DUSP16: variants seen among roughly 807,000 people sequenced by gnomAD.
DUSP16 encodes dual specificity protein phosphatase 16.
Under a neutral mutation model 58.3 loss-of-function variants are expected in DUSP16, and 21 were observed. That is an observed-to-expected ratio of 0.36 (90% CI 0.26 to 0.52). The LOEUF is 0.52. DUSP16 is among the 20% of genes least tolerant of loss of function. The probability of loss-of-function intolerance (pLI) is 0.94; values close to 1 mark genes in which losing one functional copy is unlikely to be tolerated. For synonymous variants in DUSP16, 320 were observed against 323.8 expected (o/e 0.99, Z 0.12); for missense variants, 726 against 819.0 (o/e 0.89, Z 1.39).
chr12:12,496,509 G>A (rs368739379), intron 4 of DUSP16, among the ~76,000 whole-genome samples: 2 of 152,188 alleles, frequency 1.3e-5, no homozygotes, highest in African/African-American at 4.8e-5. Flanking sequence ...TATTTAAATG[G>A]AGAAGGAGCA....
At position 12,478,087 on chromosome 12, in the gene DUSP16, A is replaced by C; in HGVS notation, c.816-72T>G. 4.7e-6 allele frequency: 6 copies of C among 1,279,700 alleles called. No homozygotes were observed. In the South Asian group the frequency reaches 8.8e-5, roughly 19 times the overall value. 79.3% of individuals were successfully genotyped at this position (1,279,700 alleles called of 1,614,324 possible). On this transcript the variant is annotated intron_variant, in intron 6 of 6. Coordinates refer to ENST00000298573, the MANE Select transcript of DUSP16 (RefSeq NM_030640.3). ...TTATCTTAAGAATATTAAGTGAATA[A>C]ATGAGATAGGGAATTATCAGGCAGA... is the stretch of plus-strand genomic sequence containing the variant.
chr12:12,478,673 GACAC>G (rs1236802141), intron 6 of DUSP16, among the ~76,000 whole-genome samples: 1 of 151,886 alleles, frequency 6.6e-6, no homozygotes, highest in Non-Finnish European at 1.5e-5. Flanking sequence ...GGACACCCCT[GACAC>G]ACACACACCA....
chr12:12,500,027 G>A (rs945782158), intron 4 of DUSP16, among the ~76,000 whole-genome samples: 2 of 152,014 alleles, frequency 1.3e-5, no homozygotes, highest in Non-Finnish European at 2.9e-5. Context: ...GAGGCTGGCA[G>A]TGCATAGTTT....
intron 5 of DUSP16, among the ~76,000 whole-genome samples, chr12:12,484,914 T>G (rs777367491): frequency 6.6e-6 from 1 of 151,912 alleles, no homozygotes; most frequent in Non-Finnish European, 1.5e-5. Flanking sequence ...GCCCAGCCAA[T>G]TGTTATTTTT....
rs373253988 is a variant in DUSP16 at position 12,521,082 on chromosome 12, A to G, written c.17T>C (p.Ile6Thr). The G allele has an allele frequency of 3.1e-6, 5 of 1,613,976 alleles. No individual in the cohort carries two copies. In the African/African-American group the frequency reaches 4.0e-5, roughly 13 times the overall value. Reference sequence around the variant, plus strand: ...CCTCTCAGTAACAATTTGAGTTCCAATCATCTCATGGGCCATGACAACAAT... The same window carrying G: ...CCTCTCAGTAACAATTTGAGTTCCAGTCATCTCATGGGCCATGACAACAAT... MAHEM[I>T]GTQIVTERLV... Residue 6 changes from isoleucine to threonine, a missense_variant, in exon 2 of 7, where the codon ATT (isoleucine) becomes ACT (threonine). By Grantham distance (89) the Ile-to-Thr change is moderately conservative. Coordinates refer to ENST00000298573, the MANE Select transcript of DUSP16 (RefSeq NM_030640.3).
chr12:12,477,846 C>G lies in DUSP16; in HGVS notation c.985G>C (p.Gly329Arg). 6.2e-7 allele frequency: 1 copy of G among 1,614,058 alleles called. No homozygotes were observed. The highest frequency in any genetic ancestry group is 8.5e-7 in the Non-Finnish European group (1 of 1,180,032). Residue 329 changes from glycine (G) to arginine (R), a missense_variant, in exon 7 of 7, where the codon GGT becomes CGT. Coordinates refer to ENST00000298573, the MANE Select transcript of DUSP16 (RefSeq NM_030640.3). The surrounding 1 kb of genome is among the most constrained non-coding windows in gnomAD (Gnocchi z 4.1). ...PNEPVPAVSE[G>R]GQKSETPLSP... Reference sequence around the variant, plus strand: ...AGGGGCGTCTCGCTTTTCTGTCCACCCTCTGAGACAGCAGGGACAGGTTCA... The same window carrying G: ...AGGGGCGTCTCGCTTTTCTGTCCACGCTCTGAGACAGCAGGGACAGGTTCA...
rs77501164 is a variant in DUSP16, at chr12:12,548,121, T to C, written c.-366+13996A>G. Among the ~76,000 whole-genome samples the C allele has an allele frequency of 8.4e-3, 1,279 of 152,304 alleles. 23 individuals carry two copies. The highest frequency in any genetic ancestry group is 0.029 in the African/African-American group (1,191 of 41,552). ...TCACATCTAATCTGTGAGTTCTAAG[T>C]AGCTGATTCACATTAAAGAAAAAGG... On this transcript the variant is annotated intron_variant, in intron 1 of 6. Coordinates refer to ENST00000298573, the MANE Select transcript of DUSP16 (RefSeq NM_030640.3).
At chr12:12,513,289 G>A (rs1209235137) in intron 3 of DUSP16, among the ~76,000 whole-genome samples, 1 of 152,168 alleles carries the variant, frequency 6.6e-6, no homozygotes, top group East Asian at 1.9e-4. Flanking sequence ...GGCTAACATA[G>A]TTTAATGCTT....
At chr12:12,522,424 A>C (rs547278686) in intron 1 of DUSP16, among the ~76,000 whole-genome samples, 1 of 152,266 alleles carries the variant, frequency 6.6e-6, no homozygotes, top group East Asian at 1.9e-4. Context: ...CACTAGTTGA[A>C]GTTTTGCGCT....
At chr12:12,534,140 T>C (rs112606541) in intron 1 of DUSP16, among the ~76,000 whole-genome samples, 2,506 of 152,314 alleles carry the variant, frequency 0.016, 76 homozygotes, top group African/African-American at 0.057. Context: ...GGAGACCCCT[T>C]TGGGGATTTT....
chr12:12,508,072 G>A (rs1944024867), intron 3 of DUSP16, among the ~76,000 whole-genome samples: 1 of 152,128 alleles, frequency 6.6e-6, no homozygotes, highest in Non-Finnish European at 1.5e-5. Flanking sequence ...TCTCCATACT[G>A]GAAAGAAAAT....
intron 1 of DUSP16, among the ~76,000 whole-genome samples, chr12:12,526,867 T>A (rs1413702971): frequency 1.3e-5 from 2 of 150,926 alleles, no homozygotes; most frequent in African/African-American, 4.9e-5. Context: ...TTTCATCTGC[T>A]ACTGCTACTG....
Position 12,532,369 on chromosome 12 carries a change from TG to T in DUSP16, c.-365-10907del, listed in dbSNP as rs564101908. ...AAATATACTTATTGACAGCCAAGGA[TG>T]GTCATGATATATTGAGAATAAAGTC... is the stretch of plus-strand genomic sequence containing the variant. On this transcript the variant is annotated intron_variant, in intron 1 of 6. Transcript: ENST00000298573. 5.1e-4 allele frequency among the ~76,000 whole-genome samples: 78 copies of T among 152,310 alleles called. No homozygotes were observed. The South Asian group carries it at 8.1e-3, about 16-fold the overall frequency.
At chr12:12,504,709 A>AG (rs1555165702) in intron 3 of DUSP16, among the ~76,000 whole-genome samples, 16 of 138,104 alleles carry the variant, frequency 1.2e-4, no homozygotes, top group Admixed American at 2.3e-4. Flanking sequence ...AAAAAAAAAA[A>AG]AAAGAAAGAA....
intron 1 of DUSP16, among the ~76,000 whole-genome samples, chr12:12,545,363 C>T (rs1005974131): frequency 6.6e-6 from 1 of 151,836 alleles, no homozygotes; most frequent in African/African-American, 2.4e-5. Context: ...CAGGTTCAAG[C>T]GATTCTCAGC....
chr12:12,523,270 T>C (rs1341286990), intron 1 of DUSP16, among the ~76,000 whole-genome samples: 1 of 152,216 alleles, frequency 6.6e-6, no homozygotes, highest in Non-Finnish European at 1.5e-5. Flanking sequence ...ATCTAATTTA[T>C]TGAAAGCTGG....
chr12:12,490,109 G>C (rs935735850), intron 4 of DUSP16, among the ~76,000 whole-genome samples: 1 of 152,026 alleles, frequency 6.6e-6, no homozygotes, highest in Non-Finnish European at 1.5e-5. Context: ...GTAGAGACAG[G>C]GTCTCGCTGT....
chr12:12,487,957 C>T (rs1390406063), intron 4 of DUSP16, among the ~76,000 whole-genome samples: 2 of 152,110 alleles, frequency 1.3e-5, no homozygotes, highest in Non-Finnish European at 2.9e-5. Context: ...TTGATCCTCT[C>T]TCCTCTCTAT....
chr12:12,507,196 CA>C (rs1204713783), intron 3 of DUSP16, among the ~76,000 whole-genome samples: 4 of 152,142 alleles, frequency 2.6e-5, no homozygotes, highest in African/African-American at 4.8e-5. Context: ...ACATAATAAA[CA>C]AAAGTAGCAC....
Sources: allele counts gnomAD v4.1 joint callset (sites outside exome capture counted in the v4.1 genomes callset), GRCh38; gene constraint gnomAD v4.1.1; non-coding constraint Gnocchi (gnomAD v3.1); transcripts MANE v1.5; gene names NCBI Gene and HGNC (gene_info 2026-07-23, HGNC 2026-07-21).